The following PSD3 variants were observed in gnomAD, a reference collection of about 807,000 sequenced individuals.
PSD3 encodes the protein pleckstrin and Sec7 domain containing 3, also known as PH and SEC7 domain-containing protein 3.
PSD3 carries 49 observed loss-of-function variants against 105.5 expected under a neutral mutation model. That is an observed-to-expected ratio of 0.46 (90% CI 0.37 to 0.59). PSD3 has a LOEUF of 0.59. Among genes scored for constraint, PSD3 ranks in the 20% least tolerant of loss-of-function variants. The pLI, the probability that PSD3 is intolerant of heterozygous loss-of-function variation, is 0.00. For missense variants in PSD3, 1,561 were observed against 1,263.8 expected (o/e 1.24, Z -3.57); for synonymous variants, 557 against 457.8 (o/e 1.22, Z -2.77).
chr8:18,839,572 A>C (rs191743580), intron 4 of PSD3, among the ~76,000 whole-genome samples: 475 of 152,268 alleles, frequency 3.1e-3, no homozygotes, highest in African/African-American at 0.011. Context: ...GGCCTACTTT[A>C]AGGAGAAACA....
chr8:18,546,401 C>T (rs909547727), intron 15 of PSD3, among the ~76,000 whole-genome samples: 1 of 152,124 alleles, frequency 6.6e-6, no homozygotes, highest in Non-Finnish European at 1.5e-5. Context: ...TTGAGCTTGT[C>T]TTGGTAAAGC....
At chr8:18,962,659 T>C (rs1823995637) in intron 1 of PSD3, among the ~76,000 whole-genome samples, 1 of 152,188 alleles carries the variant, frequency 6.6e-6, no homozygotes. Flanking sequence ...GAAGTTTAAA[T>C]ACCTCCTCCC....
intron 4 of PSD3, among the ~76,000 whole-genome samples, chr8:18,812,800 T>C (rs779169822): frequency 6.6e-6 from 1 of 152,198 alleles, no homozygotes; most frequent in Non-Finnish European, 1.5e-5. Flanking sequence ...CAGGGAATTC[T>C]CAGTCGCTGG....
chr8:18,940,417 A>G (rs1375473907), intron 1 of PSD3: 3 of 152,206 alleles, frequency 2.0e-5, no homozygotes, highest in Non-Finnish European at 4.4e-5. Flanking sequence ...AAAGCTTCCG[A>G]ATGAAGCCGT....
chr8:18,721,643 C>T (rs927918395), intron 9 of PSD3, among the ~76,000 whole-genome samples: 1 of 152,118 alleles, frequency 6.6e-6, no homozygotes, highest in Non-Finnish European at 1.5e-5. Context: ...TCTTTGGACT[C>T]CTGTTCCAGG....
intron 1 of PSD3, among the ~76,000 whole-genome samples, chr8:18,980,829 C>T (rs1825213872): frequency 2.0e-5 from 3 of 152,160 alleles, no homozygotes; most frequent in African/African-American, 7.2e-5. Flanking sequence ...CCTTCACCAT[C>T]CCCACTCCTA....
intron 1 of PSD3, chr8:18,940,276 C>A (rs757605000): frequency 1.3e-5 from 2 of 152,162 alleles, no homozygotes; most frequent in Non-Finnish European, 1.5e-5. Flanking sequence ...GTTGTATATA[C>A]GAATCACCTG....
chr8:18,813,435 T>C lies in PSD3; in HGVS notation c.1635-8537A>G, dbSNP rs1811886333. Among the ~76,000 whole-genome samples, 3 of 152,178 alleles carry C rather than the reference T, an allele frequency of 2.0e-5. No individual in the cohort carries two copies. In the South Asian group the frequency reaches 6.2e-4, roughly 31 times the overall value. On this transcript the variant is annotated intron_variant, in intron 4 of 15. Transcript: ENST00000327040. ...TCAGTAGATGTGAACTAGTCACCCTTATGTTGGTGGAGGGAATCACCTGGG... is the reference window on the plus strand; with the variant it reads ...TCAGTAGATGTGAACTAGTCACCCTCATGTTGGTGGAGGGAATCACCTGGG...
intron 4 of PSD3, among the ~76,000 whole-genome samples, chr8:18,823,225 G>A (rs2450614): frequency 0.93 from 141,595 of 152,172 alleles, 66,496 homozygotes; most frequent in Non-Finnish European, 0.99. Flanking sequence ...CAGAAAATAA[G>A]ATGCACTTTG....
At chr8:18,706,704 T>G (rs916428544) in intron 9 of PSD3, among the ~76,000 whole-genome samples, 3 of 152,332 alleles carry the variant, frequency 2.0e-5, no homozygotes, top group African/African-American at 7.2e-5. Flanking sequence ...TGTGGACCTT[T>G]GGCAAACACA....
intron 1 of PSD3, among the ~76,000 whole-genome samples, chr8:19,077,473 A>G (rs1454775579): frequency 2.2e-4 from 33 of 152,198 alleles, no homozygotes; most frequent in Admixed American, 2.2e-3. Flanking sequence ...AGGAAGGTGG[A>G]CGTCCTTAAA....
intron 9 of PSD3, among the ~76,000 whole-genome samples, chr8:18,685,947 T>C (rs1800640051): frequency 6.6e-6 from 1 of 152,148 alleles, no homozygotes; most frequent in African/African-American, 2.4e-5. Context: ...CTTTGGATAT[T>C]TGTCAGTCAT....
chr8:19,030,095 G>A (rs1329594896), intron 1 of PSD3, among the ~76,000 whole-genome samples: 1 of 152,170 alleles, frequency 6.6e-6, no homozygotes, highest in Non-Finnish European at 1.5e-5. Context: ...CTATTAAGGA[G>A]AATGTTAGCT....
At chr8:18,898,332 A>C (rs956387981) in intron 2 of PSD3, among the ~76,000 whole-genome samples, 1 of 152,106 alleles carries the variant, frequency 6.6e-6, no homozygotes, top group Non-Finnish European at 1.5e-5. Context: ...TGCTGAATTG[A>C]TCCTGTTATC....
At chr8:18,741,289 G>A (rs1259015293) in intron 9 of PSD3, among the ~76,000 whole-genome samples, 1 of 152,144 alleles carries the variant, frequency 6.6e-6, no homozygotes, top group East Asian at 1.9e-4. Flanking sequence ...TATGGTTAGA[G>A]AAAGTGGACT....
intron 9 of PSD3, among the ~76,000 whole-genome samples, chr8:18,658,960 C>G (rs1809105036): frequency 6.6e-6 from 1 of 152,172 alleles, no homozygotes. Flanking sequence ...GCTTGTCTCT[C>G]TCAATAGTAA....
chr8:18,533,435 T>A lies in PSD3; in HGVS notation c.*2308A>T, dbSNP rs1330394391. 2.0e-5 allele frequency: 3 copies of A among 152,234 alleles called. No homozygotes were observed. The highest frequency in any genetic ancestry group is 7.2e-5 in the African/African-American group (3 of 41,466). 9.4% of individuals were successfully genotyped at this position (152,234 alleles called of 1,614,324 possible). A position where few individuals can be genotyped will look rare whatever the true frequency, so the allele number is the denominator to read the frequency against. Reference sequence around the variant, plus strand: ...ATCTATTAGCCTATCCAGAAGTCCCTGGAGTTAATATTAGTGACTCATATG... The same window carrying A: ...ATCTATTAGCCTATCCAGAAGTCCCAGGAGTTAATATTAGTGACTCATATG... On this transcript the variant is annotated 3_prime_UTR_variant, in exon 16 of 16. Coordinates refer to ENST00000327040, the MANE Select transcript of PSD3 (RefSeq NM_015310.4).
At chr8:18,757,448 G>A (rs1205404379) in intron 9 of PSD3, among the ~76,000 whole-genome samples, 4 of 151,994 alleles carry the variant, frequency 2.6e-5, no homozygotes, top group Non-Finnish European at 5.9e-5. Context: ...TGGGCAACAA[G>A]GCAAGACTCC....
intron 8 of PSD3, among the ~76,000 whole-genome samples, chr8:18,772,223 T>G (rs1003732235): frequency 6.6e-6 from 1 of 152,192 alleles, no homozygotes; most frequent in Non-Finnish European, 1.5e-5. Context: ...AATCCAGCTT[T>G]AAACTTTTTA....
Sources: gnomAD v4.1 joint callset for allele counts (sites outside exome capture counted in the v4.1 genomes callset) on GRCh38, gnomAD v4.1.1 for gene constraint, MANE v1.5 for transcripts, NCBI Gene and HGNC (gene_info 2026-07-23, HGNC 2026-07-21) for gene names.